Variants in WDFY4 observed in about 807,000 individuals in gnomAD.
WDFY4 encodes WD repeat- and FYVE domain-containing protein 4.
In WDFY4, 169 loss-of-function variants were observed where a neutral mutation model predicts 351.9. That is an observed-to-expected ratio of 0.48 (90% confidence interval 0.42 to 0.55). WDFY4 has a LOEUF of 0.55. WDFY4 is among the 20% of genes least tolerant of loss of function. WDFY4 has a pLI of 0.00. For missense variants in WDFY4, 3,803 were observed against 3,935.6 expected, an observed-to-expected ratio of 0.97 and a Z score of 0.90; for synonymous variants, 1,622 against 1,574.6, an observed-to-expected ratio of 1.03 and a Z score of -0.71.
intron 43 of WDFY4, among the ~76,000 whole-genome samples, chr10:48,883,657 C>A (rs935278867): frequency 6.6e-6 from 1 of 152,172 alleles, no homozygotes; most frequent in Non-Finnish European, 1.5e-5. Flanking sequence ...ATCATATGGC[C>A]TTTGCTGGAC....
intron 47 of WDFY4, among the ~76,000 whole-genome samples, chr10:48,902,120 C>T (rs967492876): frequency 3.3e-5 from 5 of 152,262 alleles, no homozygotes; most frequent in African/African-American, 1.2e-4. Context: ...CATCCTCTGC[C>T]TTTGGTGACT....
intron 48 of WDFY4, 117 bp from the exon 49 acceptor site, chr10:48,943,213 G>T: frequency 8.1e-7 from 1 of 1,229,362 alleles, no homozygotes; most frequent in Non-Finnish European, 1.1e-6. Context: ...CGAGGGGCTG[G>T]CTGCCTGTCC....
chr10:48,974,832 C>A, intron 57 of WDFY4, 30 bp from the exon 58 acceptor site: 1 of 1,495,996 alleles, frequency 6.7e-7, no homozygotes. Flanking sequence ...TTGAGGGTCC[C>A]TCTCCTAACC....
chr10:48,746,389 C>A (rs953554506), intron 12 of WDFY4, among the ~76,000 whole-genome samples: 41 of 152,132 alleles, frequency 2.7e-4, no homozygotes, highest in African/African-American at 9.6e-4. Flanking sequence ...TTGGTTAGTT[C>A]GTGCCTGGGA....
chr10:48,704,825 G>T (rs768981781), intron 1 of WDFY4, among the ~76,000 whole-genome samples: 11 of 152,236 alleles, frequency 7.2e-5, no homozygotes, highest in Non-Finnish European at 1.5e-4. Flanking sequence ...TGCTAGCTTT[G>T]CTGTCACTGG....
rs948206619 is a variant in WDFY4, at chr10:48,697,600, G to A, written c.-17-12116G>A. Among the ~76,000 whole-genome samples the A allele has an allele frequency of 7.2e-5, 11 of 152,344 alleles. No individual in the cohort carries two copies. The East Asian group carries it at 7.7e-4, about 11-fold the overall frequency. On this transcript the variant is annotated intron_variant, in intron 1 of 61. Coordinates refer to ENST00000325239, the MANE Select transcript of WDFY4 (RefSeq NM_001394531.1). The stretch of plus-strand genomic sequence containing the variant: ...CTTTTTGGAGTCAGATGCACATCTC[G>A]TTGGGTTATCTCCAGGGTCCCGCCT...
At chr10:48,913,943 C>T (rs1838255783) in intron 47 of WDFY4, 1 of 1,614,118 alleles carries the variant, frequency 6.2e-7, no homozygotes, top group East Asian at 2.2e-5. Flanking sequence ...GGTTCTGGAA[C>T]TTGGAGATGG....
At chr10:48,822,081 C>T (rs1164931532) in intron 34 of WDFY4, among the ~76,000 whole-genome samples, 1 of 152,198 alleles carries the variant, frequency 6.6e-6, no homozygotes, top group Non-Finnish European at 1.5e-5. Flanking sequence ...GATGCCTGCT[C>T]ATTTGTCTCA....
At chr10:48,951,066 G>A (rs1841299636) in intron 51 of WDFY4, among the ~76,000 whole-genome samples, 1 of 152,244 alleles carries the variant, frequency 6.6e-6, no homozygotes, top group Non-Finnish European at 1.5e-5. Context: ...ACCCCCTATT[G>A]CTGTGCGGTA....
At chr10:48,967,570 C>G (rs935894649) in intron 55 of WDFY4, 1 of 152,114 alleles carries the variant, frequency 6.6e-6, no homozygotes, top group African/African-American at 2.4e-5. Context: ...GCTTCCTTGG[C>G]TGCCACCAAG....
At chr10:48,962,996 A>T (rs1042371294) in intron 53 of WDFY4, among the ~76,000 whole-genome samples, 1 of 152,214 alleles carries the variant, frequency 6.6e-6, no homozygotes, top group Non-Finnish European at 1.5e-5. Context: ...GATTTAGAAG[A>T]TGCCCACACC....
At chr10:48,930,159 A>G (rs890404831) in intron 47 of WDFY4, among the ~76,000 whole-genome samples, 5 of 152,192 alleles carry the variant, frequency 3.3e-5, no homozygotes, top group African/African-American at 1.2e-4. Flanking sequence ...CCTGATTCCC[A>G]TGCCCTCAGA....
rs149667289 is a variant in WDFY4, at chr10:48,847,456, T to C, written c.6663+14747T>C. Among the ~76,000 whole-genome samples, 488 of 152,326 alleles carry C rather than the reference T, an allele frequency of 3.2e-3. 3 individuals carry two copies. Among genetic ancestry groups the C allele is most frequent in the African/African-American group, 0.011 (464 of 41,574 alleles). On this transcript the variant is annotated intron_variant, in intron 39 of 61. Transcript: ENST00000325239. ...TTCAGGGAAAGATGTTTGCATGGGCTGAAACTCCTCTGACCCCAGGGTAGA... is the reference window on the plus strand; with the variant it reads ...TTCAGGGAAAGATGTTTGCATGGGCCGAAACTCCTCTGACCCCAGGGTAGA...
intron 47 of WDFY4, 89 bp from the exon 48 acceptor site, chr10:48,941,717 C>A: frequency 1.5e-6 from 2 of 1,361,292 alleles, no homozygotes; most frequent in South Asian, 2.5e-5. Context: ...ACACCCTGGT[C>A]CCGTGAAGCC....
rs138972636 is a variant in WDFY4 at position 48,735,391 on chromosome 10, C to G, written c.1688-489C>G. Reference sequence around the variant, plus strand: ...GGTTTGCTTTCTATATGAATTTTGTCAGAGAGAAGACAGAAAATTGTCATT... The same window carrying G: ...GGTTTGCTTTCTATATGAATTTTGTGAGAGAGAAGACAGAAAATTGTCATT... On this transcript the variant is annotated intron_variant, in intron 10 of 61. Transcript: ENST00000325239. 2.0e-3 allele frequency among the ~76,000 whole-genome samples: 304 copies of G among 152,272 alleles called. 1 individual carries two copies. Among genetic ancestry groups the G allele is most frequent in the African/African-American group, 7.1e-3 (296 of 41,570 alleles).
intron 57 of WDFY4, among the ~76,000 whole-genome samples, chr10:48,974,525 A>AC (rs1408730083): frequency 2.4e-4 from 7 of 28,772 alleles, no homozygotes; most frequent in African/African-American, 3.6e-4. Flanking sequence ...AAAAAAAAAA[A>AC]AAAACAACTC....
chr10:48,769,785 C>T (rs949176733), intron 13 of WDFY4, among the ~76,000 whole-genome samples: 3 of 152,126 alleles, frequency 2.0e-5, no homozygotes, highest in African/African-American at 7.2e-5. Context: ...AGAGAGAGAG[C>T]GATACATAAG....
At chr10:48,750,802 T>G (rs2065160352) in intron 12 of WDFY4, among the ~76,000 whole-genome samples, 1 of 152,266 alleles carries the variant, frequency 6.6e-6, no homozygotes, top group South Asian at 2.1e-4. Flanking sequence ...TTTGGTTTCT[T>G]ACCACTGTTG....
At chr10:48,976,187 G>C (rs1842560560) in intron 58 of WDFY4, among the ~76,000 whole-genome samples, 1 of 152,214 alleles carries the variant, frequency 6.6e-6, no homozygotes, top group African/African-American at 2.4e-5. Flanking sequence ...CATCCCTTCT[G>C]TGATTAGGGC....
Sources: allele counts gnomAD v4.1 joint callset (sites outside exome capture counted in the v4.1 genomes callset), GRCh38; gene constraint gnomAD v4.1.1; transcripts MANE v1.5; gene names NCBI Gene and HGNC (gene_info 2026-07-23, HGNC 2026-07-21).